WDFY4: variants seen among roughly 807,000 people sequenced by gnomAD.
The protein encoded by WDFY4 is WDFY family member 4, also known as WD repeat- and FYVE domain-containing protein 4.
Under a neutral mutation model 351.9 loss-of-function variants are expected in WDFY4, and 169 were observed. That is an observed-to-expected ratio of 0.48 (90% CI 0.42 to 0.55). WDFY4 has a LOEUF of 0.55. WDFY4 is among the 20% of genes least tolerant of loss of function. WDFY4 has a pLI of 0.00. For synonymous variants in WDFY4, 1,622 were observed against 1,574.6 expected, an observed-to-expected ratio of 1.03 and a Z score of -0.71; for missense variants, 3,803 against 3,935.6, an observed-to-expected ratio of 0.97 and a Z score of 0.90.
chr10:48,775,821 A>G lies in WDFY4; in HGVS notation c.2863+15A>G. On this transcript the variant is annotated intron_variant, in intron 15 of 61. Transcript: ENST00000325239. ...TGGGTGCTCAGGTGAGGACAGTGGC[A>G]AGAACGGGGCAGGTTAATGGGAAGT... The G allele has an allele frequency of 1.3e-6, 2 of 1,545,776 alleles. No homozygotes were observed. The highest frequency in any genetic ancestry group is 1.8e-6 in the Non-Finnish European group (2 of 1,141,644).
At position 48,966,678 on chromosome 10, in the gene WDFY4, T is replaced by A. The variant is rs1018366788; in HGVS notation, c.8584+5T>A. On this transcript the variant is annotated splice_donor_5th_base_variant and intron_variant, in intron 55 of 61. Coordinates refer to ENST00000325239, the MANE Select transcript of WDFY4 (RefSeq NM_001394531.1). ...CCTCCCAGGTCACGGTCAAAGGTGA[T>A]TCCCTGGCCATGCATTGTTTGGTGT... 1 of 1,550,932 alleles carries A rather than the reference T, an allele frequency of 6.4e-7. No individual in the cohort carries two copies. The highest frequency in any genetic ancestry group is 1.4e-5 in the African/African-American group (1 of 73,044).
intron 39 of WDFY4, among the ~76,000 whole-genome samples, chr10:48,843,472 T>C (rs2133131443): frequency 6.6e-6 from 1 of 152,326 alleles, no homozygotes; most frequent in African/African-American, 2.4e-5. Context: ...ATGGTCCTTA[T>C]ATTTAAGGAG....
chr10:48,692,105 T>A (rs2063210572), intron 1 of WDFY4, among the ~76,000 whole-genome samples: 1 of 152,234 alleles, frequency 6.6e-6, no homozygotes, highest in East Asian at 1.9e-4. Context: ...CAAGCCTGCA[T>A]GTCCAATGTA....
At chr10:48,789,313 GA>G (rs2066600639) in intron 21 of WDFY4, among the ~76,000 whole-genome samples, 1 of 152,226 alleles carries the variant, frequency 6.6e-6, no homozygotes, top group Non-Finnish European at 1.5e-5. Context: ...TAGCACTGAT[GA>G]AAATTTGCAA....
intron 12 of WDFY4, among the ~76,000 whole-genome samples, chr10:48,747,296 T>C (rs1311386814): frequency 6.6e-6 from 1 of 152,112 alleles, no homozygotes; most frequent in Non-Finnish European, 1.5e-5. Context: ...ATCTTCACCA[T>C]TCTTGTTCTA....
chr10:48,743,693 G>C (rs1175074137), intron 12 of WDFY4, 145 bp downstream of exon 12: 7 of 972,100 alleles, frequency 7.2e-6, no homozygotes, highest in Non-Finnish European at 1.0e-5. Flanking sequence ...CTCAAATCAA[G>C]TTAGCTCTGA....
chr10:48,803,452 C>T (rs2132854566), intron 25 of WDFY4, 93 bp downstream of exon 25: 1 of 1,249,286 alleles, frequency 8.0e-7, no homozygotes, highest in South Asian at 1.3e-5. Context: ...CTTCCCTGCT[C>T]CCAGAACACT....
At chr10:48,819,802 A>T (rs1056282445) in intron 32 of WDFY4, among the ~76,000 whole-genome samples, 1 of 152,006 alleles carries the variant, frequency 6.6e-6, no homozygotes, top group African/African-American at 2.4e-5. Flanking sequence ...CCATCACAAG[A>T]TGGGCACCGA....
At chr10:48,713,869 G>A (rs2063829687) in intron 2 of WDFY4, among the ~76,000 whole-genome samples, 3 of 152,102 alleles carry the variant, frequency 2.0e-5, no homozygotes, top group Admixed American at 2.0e-4. Flanking sequence ...CTGTATATTA[G>A]AAATGAGACT....
rs374978643 is a variant in WDFY4 at position 48,913,567 on chromosome 10, T to G, written c.7586+11704T>G. ...TCCTTCTCCTCCACAACATACAAGT[T>G]CTCCAGCCTCCTGATGGAGTCTATG... On this transcript the variant is annotated intron_variant, in intron 47 of 61. Coordinates refer to ENST00000325239, the MANE Select transcript of WDFY4 (RefSeq NM_001394531.1). The G allele has an allele frequency of 4.3e-6, 7 of 1,613,946 alleles. No individual in the cohort carries two copies. Among genetic ancestry groups the G allele is most frequent in the Non-Finnish European group, 5.9e-6 (7 of 1,179,988 alleles).
intron 53 of WDFY4, 58 bp from the exon 54 acceptor site, chr10:48,963,784 C>G: frequency 6.7e-7 from 1 of 1,494,656 alleles, no homozygotes; most frequent in South Asian, 1.2e-5. Flanking sequence ...ATCTGTGCAG[C>G]GAGTGCATGA....
At chr10:48,772,353 G>T (rs530408633) in intron 13 of WDFY4, among the ~76,000 whole-genome samples, 1 of 152,166 alleles carries the variant, frequency 6.6e-6, no homozygotes, top group African/African-American at 2.4e-5. Context: ...CATGTATGGT[G>T]TGTGTGGATG....
At chr10:48,812,232 C>G (rs2067479333) in intron 30 of WDFY4, among the ~76,000 whole-genome samples, 1 of 142,860 alleles carries the variant, frequency 7.0e-6, no homozygotes, top group Non-Finnish European at 1.5e-5. Context: ...ACTGTGTTAC[C>G]CTGGGAGAGT....
chr10:48,805,166 A>G, intron 25 of WDFY4, 94 bp from the exon 26 acceptor site: 1 of 1,414,798 alleles, frequency 7.1e-7, no homozygotes, highest in Non-Finnish European at 9.4e-7. Context: ...GGGCCATGGA[A>G]CAAGCCTGGC....
chr10:48,948,894 C>T (rs1841185091), intron 51 of WDFY4, among the ~76,000 whole-genome samples: 2 of 152,226 alleles, frequency 1.3e-5, no homozygotes. Context: ...TCAAAGTATT[C>T]CAACTTAGCA....
chr10:48,877,490 T>C (rs1023787282), intron 43 of WDFY4, among the ~76,000 whole-genome samples: 3 of 152,248 alleles, frequency 2.0e-5, no homozygotes, highest in African/African-American at 7.2e-5. Flanking sequence ...CATAACAACC[T>C]GAAAGGCAAG....
At chr10:48,921,321 C>A (rs551179079) in intron 47 of WDFY4, among the ~76,000 whole-genome samples, 2 of 152,106 alleles carry the variant, frequency 1.3e-5, no homozygotes, top group Non-Finnish European at 2.9e-5. Flanking sequence ...CAAACATGGC[C>A]AAATGGTCAA....
chr10:48,966,391 T>C, intron 54 of WDFY4, 135 bp from the exon 55 acceptor site: 1 of 950,160 alleles, frequency 1.1e-6, no homozygotes, highest in African/African-American at 1.7e-5. Context: ...AGAGGTTCTG[T>C]TCATGTTCAG....
intron 13 of WDFY4, among the ~76,000 whole-genome samples, chr10:48,773,334 A>G (rs1347837583): frequency 1.3e-5 from 2 of 152,220 alleles, no homozygotes; most frequent in African/African-American, 2.4e-5. Flanking sequence ...AATTCCATTA[A>G]GATCTAACCT....
Sources: gnomAD v4.1 joint callset for allele counts (sites outside exome capture counted in the v4.1 genomes callset) on GRCh38, gnomAD v4.1.1 for gene constraint, MANE v1.5 for transcripts, NCBI Gene and HGNC (gene_info 2026-07-23, HGNC 2026-07-21) for gene names.